PSD3: variants seen among roughly 807,000 people sequenced by gnomAD.
PSD3 encodes pleckstrin and Sec7 domain containing 3.
Under a neutral mutation model 105.5 loss-of-function variants are expected in PSD3, and 49 were observed. The ratio of observed to expected loss-of-function variants is 0.46; its 90% CI spans 0.37 to 0.59. The LOEUF is 0.59. Among genes scored for constraint, PSD3 ranks in the 20% least tolerant of loss-of-function variants. The pLI, the probability that PSD3 is intolerant of heterozygous loss-of-function variation, is 0.00. For synonymous variants in PSD3, 557 were observed against 457.8 expected (o/e 1.22, Z -2.77); for missense variants, 1,561 against 1,263.8 (o/e 1.24, Z -3.57).
chr8:18,559,292 T>C (rs1042796966), intron 14 of PSD3, among the ~76,000 whole-genome samples: 1 of 152,224 alleles, frequency 6.6e-6, no homozygotes, highest in African/African-American at 2.4e-5. Flanking sequence ...TTATTATACT[T>C]GTAAATTGTT....
chr8:18,956,255 G>T (rs978449797), intron 1 of PSD3, among the ~76,000 whole-genome samples: 7 of 152,178 alleles, frequency 4.6e-5, no homozygotes, highest in Non-Finnish European at 8.8e-5. Context: ...TGAGGAGAAT[G>T]AAGTATAAGA....
intron 10 of PSD3, among the ~76,000 whole-genome samples, chr8:18,635,258 C>G (rs1032609411): frequency 6.6e-6 from 1 of 152,084 alleles, no homozygotes; most frequent in African/African-American, 2.4e-5. Context: ...TGAAATCAAC[C>G]ACTTCTCCAA....
chr8:19,013,475 C>T, intron 1 of PSD3, 88 bp downstream of exon 1: 1 of 1,557,166 alleles, frequency 6.4e-7, no homozygotes, highest in Non-Finnish European at 8.7e-7. Flanking sequence ...TCCTGGGGGA[C>T]AGAGCGGCGA....
intron 4 of PSD3, among the ~76,000 whole-genome samples, chr8:18,808,351 A>G (rs62498293): frequency 0.16 from 23,835 of 152,204 alleles, 1,953 homozygotes; most frequent in Middle Eastern, 0.24. Context: ...AAACAATGTA[A>G]TTATACCACA....
At chr8:18,728,256 A>G (rs1378719859) in intron 9 of PSD3, among the ~76,000 whole-genome samples, 3 of 152,330 alleles carry the variant, frequency 2.0e-5, no homozygotes, top group Admixed American at 6.5e-5. Context: ...CAAGAATTCA[A>G]TGAAAAGTTG....
At chr8:18,766,221 C>T (rs1563241179) in intron 8 of PSD3, among the ~76,000 whole-genome samples, 1 of 151,976 alleles carries the variant, frequency 6.6e-6, no homozygotes, top group Non-Finnish European at 1.5e-5. Context: ...GTAGTCCTAG[C>T]TACTCGGGAG....
chr8:18,818,897 T>TG (rs1452897200), intron 4 of PSD3, among the ~76,000 whole-genome samples: 1 of 151,844 alleles, frequency 6.6e-6, no homozygotes, highest in East Asian at 1.9e-4. Flanking sequence ...GCAGGTGGGT[T>TG]GGGGGGAAAA....
intron 10 of PSD3, among the ~76,000 whole-genome samples, chr8:18,649,043 A>G (rs922526265): frequency 2.6e-5 from 4 of 152,230 alleles, no homozygotes; most frequent in African/African-American, 9.6e-5. Flanking sequence ...GAGAACCTTT[A>G]CTAGGGGAGT....
chr8:18,972,851 A>C (rs1382751452), intron 1 of PSD3, among the ~76,000 whole-genome samples: 1 of 152,244 alleles, frequency 6.6e-6, no homozygotes, highest in Non-Finnish European at 1.5e-5. Flanking sequence ...ACAGCAGCTC[A>C]AACTAAGACA....
At chr8:18,687,950 G>A (rs1244432551) in intron 9 of PSD3, among the ~76,000 whole-genome samples, 1 of 151,996 alleles carries the variant, frequency 6.6e-6, no homozygotes, top group African/African-American at 2.4e-5. Flanking sequence ...GTATTTTTTA[G>A]TAAAGATGGG....
intron 4 of PSD3, among the ~76,000 whole-genome samples, chr8:18,854,914 G>A (rs1815882451): frequency 6.6e-6 from 1 of 152,174 alleles, no homozygotes. Context: ...GCCTGCTTCA[G>A]ACACGTAAGT....
intron 4 of PSD3, among the ~76,000 whole-genome samples, chr8:18,813,390 C>A (rs1811879832): frequency 2.0e-5 from 3 of 152,160 alleles, no homozygotes; most frequent in Admixed American, 1.3e-4. Context: ...CAATGGCAAC[C>A]ATCCCCTGTC....
At chr8:18,683,752 G>A (rs376828892) in intron 9 of PSD3, 1 of 763,614 alleles carries the variant, frequency 1.3e-6, no homozygotes, top group Non-Finnish European at 2.4e-6. Context: ...TGTCAATAAG[G>A]TTCAATGTGG....
chr8:18,635,449 A>T (rs1807183272), intron 10 of PSD3, among the ~76,000 whole-genome samples: 1 of 152,174 alleles, frequency 6.6e-6, no homozygotes, highest in Non-Finnish European at 1.5e-5. Flanking sequence ...TTGTAAAATT[A>T]TAATGCAGCC....
At chr8:18,979,207 T>A (rs1825123124) in intron 1 of PSD3, among the ~76,000 whole-genome samples, 1 of 152,090 alleles carries the variant, frequency 6.6e-6, no homozygotes, top group Non-Finnish European at 1.5e-5. Flanking sequence ...TTGTTGTATT[T>A]TTCATTGCAG....
intron 9 of PSD3, among the ~76,000 whole-genome samples, chr8:18,686,067 C>G (rs2130971140): frequency 6.6e-6 from 1 of 152,130 alleles, no homozygotes; most frequent in Non-Finnish European, 1.5e-5. Context: ...AAAACTAAAA[C>G]CATATGGTAG....
chr8:18,817,565 A>G (rs569944156), intron 4 of PSD3, among the ~76,000 whole-genome samples: 56 of 152,354 alleles, frequency 3.7e-4, no homozygotes, highest in Non-Finnish European at 7.6e-4. Context: ...CAAGAAGCTT[A>G]AAGGAAAAGT....
At chr8:18,721,945 A>G (rs1803004178) in intron 9 of PSD3, among the ~76,000 whole-genome samples, 1 of 152,174 alleles carries the variant, frequency 6.6e-6, no homozygotes, top group Non-Finnish European at 1.5e-5. Flanking sequence ...AGTAGGTCAC[A>G]CATAGTAATG....
chr8:18,646,485 C>G (rs904377895), intron 10 of PSD3, among the ~76,000 whole-genome samples: 1 of 152,068 alleles, frequency 6.6e-6, no homozygotes, highest in African/African-American at 2.4e-5. Context: ...TTAGGAAGAA[C>G]TCTTTTCATT....
Sources: allele counts gnomAD v4.1 joint callset (sites outside exome capture counted in the v4.1 genomes callset), GRCh38; gene constraint gnomAD v4.1.1; transcripts MANE v1.5; gene names NCBI Gene and HGNC (gene_info 2026-07-23, HGNC 2026-07-21).